The following OSBPL8 variants were observed in gnomAD, a reference collection of about 807,000 sequenced individuals.
The protein encoded by OSBPL8 is oxysterol binding protein like 8.
In OSBPL8, 59 loss-of-function variants were observed where a neutral mutation model predicts 125.5. The observed-to-expected ratio is 0.47, with a 90% CI of 0.38 to 0.58. The LOEUF (loss-of-function observed/expected upper bound fraction) is 0.58. Among genes scored for constraint, OSBPL8 ranks in the 20% least tolerant of loss-of-function variants. The probability of loss-of-function intolerance (pLI) is 0.00; values close to 1 mark genes in which losing one functional copy is unlikely to be tolerated. For missense variants in OSBPL8, 758 were observed against 1,047.8 expected (o/e 0.72, Z 3.82); for synonymous variants, 330 against 338.9 (o/e 0.97, Z 0.29).
intron 1 of OSBPL8, among the ~76,000 whole-genome samples, chr12:76,544,349 A>G (rs1950726863): frequency 6.6e-6 from 1 of 152,154 alleles, no homozygotes; most frequent in Admixed American, 6.5e-5. Flanking sequence ...CAAATACCAA[A>G]TCCATTCTCA....
chr12:76,547,027 G>C (rs976665472), intron 1 of OSBPL8, among the ~76,000 whole-genome samples: 1 of 152,176 alleles, frequency 6.6e-6, no homozygotes, highest in Non-Finnish European at 1.5e-5. Context: ...CAACCCCTCT[G>C]ACAGGATTTT....
chr12:76,467,679 C>T (rs559861042), intron 2 of OSBPL8, among the ~76,000 whole-genome samples: 1 of 151,838 alleles, frequency 6.6e-6, no homozygotes, highest in Non-Finnish European at 1.5e-5. Context: ...TTTCACTTCC[C>T]ATTAGTGCCC....
chr12:76,450,829 C>A, intron 4 of OSBPL8, 22 bp downstream of exon 4: 3 of 1,582,026 alleles, frequency 1.9e-6, no homozygotes, highest in Non-Finnish European at 2.6e-6. Context: ...CAAGACAAAA[C>A]ATGAAAACCA....
At chr12:76,553,498 T>TAAA (rs34303965) in intron 1 of OSBPL8, among the ~76,000 whole-genome samples, 50 of 136,080 alleles carry the variant, frequency 3.7e-4, no homozygotes, top group African/African-American at 1.6e-4. Flanking sequence ...ACTCTGTTTC[T>TAAA]AAAAAAAAAA....
chr12:76,391,489 A>G (rs1251785872), intron 10 of OSBPL8, among the ~76,000 whole-genome samples: 2 of 152,182 alleles, frequency 1.3e-5, no homozygotes, highest in Non-Finnish European at 2.9e-5. Flanking sequence ...GTCTGCAAAG[A>G]AATAACATAA....
chr12:76,391,928 G>C (rs764365781), intron 10 of OSBPL8, among the ~76,000 whole-genome samples: 3 of 152,170 alleles, frequency 2.0e-5, no homozygotes, highest in Non-Finnish European at 4.4e-5. Context: ...AGAAGCCAAG[G>C]GGTGGGGACA....
intron 2 of OSBPL8, among the ~76,000 whole-genome samples, chr12:76,470,603 A>G (rs1876022600): frequency 6.6e-6 from 1 of 152,222 alleles, no homozygotes. Context: ...CATGACTGAG[A>G]TCTAAATTAA....
chr12:76,397,208 T>A (rs1477518115), intron 8 of OSBPL8, among the ~76,000 whole-genome samples: 1 of 151,760 alleles, frequency 6.6e-6, no homozygotes, highest in African/African-American at 2.4e-5. Flanking sequence ...AAAAATTTTT[T>A]TTTTTAAGAG....
intron 1 of OSBPL8, among the ~76,000 whole-genome samples, chr12:76,537,620 G>A (rs982732792): frequency 6.6e-6 from 1 of 152,026 alleles, no homozygotes; most frequent in African/African-American, 2.4e-5. Flanking sequence ...AATATTAAAG[G>A]ACAACAGGCC....
rs141320712 is a variant in OSBPL8, at chr12:76,400,198, T to C, written c.367-224A>G. On this transcript the variant is annotated intron_variant, in intron 6 of 23. Coordinates refer to ENST00000261183, the MANE Select transcript of OSBPL8 (RefSeq NM_020841.5). ...CCCTCTGAAAGGCTCCAGTGTGTGT[T>C]GTGTCCCTCTGTGTGTCCATGTGTT... Among the ~76,000 whole-genome samples the C allele has an allele frequency of 5.3e-3, 804 of 152,274 alleles. 7 individuals are homozygous for C. The highest frequency in any genetic ancestry group is 0.019 in the African/African-American group (776 of 41,542).
rs778878248 is a variant in OSBPL8, at chr12:76,386,628, A to G, written c.1385T>C (p.Leu462Ser). Residue 462 changes from leucine (L) to serine (S), a missense_variant, in exon 13 of 24, where the codon TTG (leucine) becomes TCG (serine). Transcript: ENST00000261183. Reference sequence around the variant, plus strand: ...CAAATACCATTTCACTACTTTCTTCAAACGGAAATAAGGATTTTCTTCAAG... The same window carrying G: ...CAAATACCATTTCACTACTTTCTTCGAACGGAAATAAGGATTTTCTTCAAG... ...AALEENPYFR[L>S]KKVVKWYLSG... 6.2e-6 allele frequency: 10 copies of G among 1,608,432 alleles called. No individual in the cohort carries two copies. Among genetic ancestry groups the G allele is most frequent in the Non-Finnish European group, 8.5e-6 (10 of 1,177,202 alleles).
chr12:76,357,943 T>C (rs1301032756), intron 22 of OSBPL8, among the ~76,000 whole-genome samples: 1 of 152,174 alleles, frequency 6.6e-6, no homozygotes, highest in Non-Finnish European at 1.5e-5. Flanking sequence ...ACACATTATC[T>C]GACTCGAATA....
intron 4 of OSBPL8, among the ~76,000 whole-genome samples, chr12:76,430,998 A>G (rs1459168203): frequency 1.3e-5 from 2 of 152,222 alleles, no homozygotes; most frequent in East Asian, 1.9e-4. Context: ...ATGGTAGTAA[A>G]TAAATCACTT....
chr12:76,471,039 A>AC (rs1876074692), intron 2 of OSBPL8, among the ~76,000 whole-genome samples: 1 of 152,130 alleles, frequency 6.6e-6, no homozygotes, highest in Non-Finnish European at 1.5e-5. Context: ...TGAGTTTATA[A>AC]CCCAAAAAAA....
Position 76,514,680 on chromosome 12 carries a change from G to A in OSBPL8, c.-67-27062C>T, listed in dbSNP as rs79529865. Among the ~76,000 whole-genome samples the A allele has an allele frequency of 6.2e-3, 938 of 152,248 alleles. 6 individuals are homozygous for A. Among genetic ancestry groups the A allele is most frequent in the Middle Eastern group, 0.037 (11 of 294 alleles). On this transcript the variant is annotated intron_variant, in intron 1 of 23. Coordinates refer to ENST00000261183, the MANE Select transcript of OSBPL8 (RefSeq NM_020841.5). ...CTTTCAGGAGTTCTCTGCATTTCCT[G>A]AATTTGACTGTTGGCCTCTCTAGCA...
intron 1 of OSBPL8, among the ~76,000 whole-genome samples, chr12:76,546,714 C>A (rs913700476): frequency 6.6e-6 from 1 of 151,822 alleles, no homozygotes; most frequent in Non-Finnish European, 1.5e-5. Flanking sequence ...GTTTAGAATA[C>A]CTGTAAAAAA....
In OSBPL8 at chr12:76,459,915, G is replaced by A. The variant is rs1459254320; in HGVS notation, c.43-20C>T. ...AAGAAGCTTTTAAGGCAGGGTAATT[G>A]AGCAGCAAACAAATACAGTCCAAAT... On this transcript the variant is annotated intron_variant, in intron 2 of 23. Transcript: ENST00000261183. 6.2e-7 allele frequency: 1 copy of A among 1,613,326 alleles called. No individual in the cohort carries two copies. The highest frequency in any genetic ancestry group is 1.3e-5 in the African/African-American group (1 of 75,018).
chr12:76,436,306 T>C (rs903270061), intron 4 of OSBPL8, among the ~76,000 whole-genome samples: 3 of 152,190 alleles, frequency 2.0e-5, no homozygotes, highest in Non-Finnish European at 4.4e-5. Context: ...TTTGGATCCA[T>C]GGTTGTAACC....
At chr12:76,469,010 T>C (rs1280677130) in intron 2 of OSBPL8, among the ~76,000 whole-genome samples, 1 of 152,170 alleles carries the variant, frequency 6.6e-6, no homozygotes, top group Non-Finnish European at 1.5e-5. Flanking sequence ...CAATCTTACC[T>C]TTCCCTAGCT....
Sources: gnomAD v4.1 joint callset for allele counts (sites outside exome capture counted in the v4.1 genomes callset) on GRCh38, gnomAD v4.1.1 for gene constraint, MANE v1.5 for transcripts, NCBI Gene and HGNC (gene_info 2026-07-23, HGNC 2026-07-21) for gene names.